Variants in FRYL observed in about 807,000 individuals in gnomAD.
The protein encoded by FRYL is FRY like transcription coactivator.
Under a neutral mutation model 351.2 loss-of-function variants are expected in FRYL, and 150 were observed. That is an observed-to-expected ratio of 0.43 (90% CI 0.37 to 0.49). The LOEUF is 0.49. Among genes scored for constraint, FRYL ranks in the 20% least tolerant of loss-of-function variants. FRYL has a pLI of 0.00. For missense variants in FRYL, 3,036 were observed against 3,619.3 expected, an observed-to-expected ratio of 0.84 and a Z score of 4.13; for synonymous variants, 1,153 against 1,257.1, an observed-to-expected ratio of 0.92 and a Z score of 1.75.
intron 55 of FRYL, among the ~76,000 whole-genome samples, chr4:48,520,203 T>A (rs1724603410): frequency 6.6e-6 from 1 of 152,194 alleles, no homozygotes; most frequent in South Asian, 2.1e-4. Flanking sequence ...ACCTTAGCCA[T>A]ATGAGTATGA....
Position 48,656,403 on chromosome 4 carries a change from AT to A in FRYL, c.-80-21914del, listed in dbSNP as rs1265368084. Among the ~76,000 whole-genome samples the A allele has an allele frequency of 3.9e-5, 5 of 129,032 alleles. No individual in the cohort carries two copies. The East Asian group carries it at 6.3e-4, about 16-fold the overall frequency. 84.7% of individuals were successfully genotyped at this position (129,032 alleles called of 152,430 possible). A position where few individuals can be genotyped will look rare whatever the true frequency, so the allele number is the denominator to read the frequency against. On this transcript the variant is annotated intron_variant, in intron 3 of 63. Coordinates refer to ENST00000358350, the MANE Select transcript of FRYL (RefSeq NM_015030.2). ...ATATATAATATATAATTAATATATA[AT>A]TATATATAATGTATATATAATGTAT...
In FRYL at chr4:48,535,608, CACACACAT is replaced by C. The variant is rs773197787; in HGVS notation, c.6564+41_6564+48del. 1.5e-4 allele frequency: 173 copies of C among 1,157,146 alleles called. 2 individuals carry two copies. In the East Asian group the frequency reaches 2.1e-3, roughly 14 times the overall value. 71.7% of individuals were successfully genotyped at this position (1,157,146 alleles called of 1,614,324 possible). On this transcript the variant is annotated intron_variant, in intron 48 of 63. Coordinates refer to ENST00000358350, the MANE Select transcript of FRYL (RefSeq NM_015030.2). The stretch of plus-strand genomic sequence containing the variant: ...ACATACACACACACACACACACACA[CACACACAT>C]ATATATATAGTAAATAAGAAAATAT...
At chr4:48,574,013 T>G (rs2149122582) in intron 25 of FRYL, among the ~76,000 whole-genome samples, 1 of 152,346 alleles carries the variant, frequency 6.6e-6, no homozygotes, top group South Asian at 2.1e-4. Flanking sequence ...ATTGCCTCTG[T>G]GAACAACTTT....
At chr4:48,557,406 C>T (rs1326206704) in intron 34 of FRYL, 47 bp downstream of exon 34, 2 of 1,602,218 alleles carry the variant, frequency 1.2e-6, no homozygotes, top group East Asian at 2.2e-5. Context: ...CACATCTACT[C>T]ACTCAATAAT....
intron 1 of FRYL, among the ~76,000 whole-genome samples, chr4:48,741,026 T>G (rs1044419979): frequency 1.3e-5 from 2 of 151,496 alleles, no homozygotes; most frequent in Non-Finnish European, 2.9e-5. Flanking sequence ...GGTGAATAGA[T>G]TTGATGAAAA....
At position 48,710,672 on chromosome 4, in the gene FRYL, G is replaced by A. The variant is rs1470651473; in HGVS notation, c.-357C>T. 2.5e-6 allele frequency: 1 copy of A among 398,356 alleles called. No individual in the cohort carries two copies. Among genetic ancestry groups the A allele is most frequent in the Non-Finnish European group, 4.4e-6 (1 of 225,938 alleles). 24.7% of individuals were successfully genotyped at this position (398,356 alleles called of 1,614,324 possible). ...AGCAGTAGTGAGTGAGTCACCGTGT[G>A]TGAAGCAGAATATGGAATGTTCTAG... On this transcript the variant is annotated 5_prime_UTR_variant, in exon 2 of 64. Coordinates refer to ENST00000358350, the MANE Select transcript of FRYL (RefSeq NM_015030.2).
intron 4 of FRYL, among the ~76,000 whole-genome samples, chr4:48,630,552 C>T (rs1409237942): frequency 2.0e-5 from 3 of 152,014 alleles, no homozygotes; most frequent in Non-Finnish European, 4.4e-5. Flanking sequence ...AGGTTATTAC[C>T]GAGGATTGAT....
At chr4:48,720,250 C>T (rs562074398) in intron 1 of FRYL, among the ~76,000 whole-genome samples, 1 of 151,980 alleles carries the variant, frequency 6.6e-6, no homozygotes, top group African/African-American at 2.4e-5. Flanking sequence ...GTAATCCCAG[C>T]ACTTTGCGAG....
At chr4:48,581,374 T>C (rs1162435700) in intron 21 of FRYL, 46 bp downstream of exon 21, 2 of 1,520,318 alleles carry the variant, frequency 1.3e-6, no homozygotes, top group Admixed American at 3.7e-5. Context: ...AGAGATGGTT[T>C]TTAAGTACTT....
At chr4:48,626,675 A>G (rs1751892043) in intron 4 of FRYL, among the ~76,000 whole-genome samples, 1 of 152,134 alleles carries the variant, frequency 6.6e-6, no homozygotes, top group South Asian at 2.1e-4. Context: ...AACTGTCTAT[A>G]TCATGTATTT....
intron 55 of FRYL, chr4:48,520,767 C>T (rs1007754378): frequency 1.5e-5 from 4 of 259,230 alleles, no homozygotes; most frequent in Non-Finnish European, 2.9e-5. Context: ...AGATGATGCT[C>T]GCCAACCCCA....
At chr4:48,682,824 T>A (rs549963851) in intron 3 of FRYL, among the ~76,000 whole-genome samples, 1 of 152,192 alleles carries the variant, frequency 6.6e-6, no homozygotes, top group East Asian at 1.9e-4. Context: ...TTCGTGGGAG[T>A]GTAAATTAGT....
At chr4:48,741,697 AAATAATAAT>A (rs527490966) in intron 1 of FRYL, among the ~76,000 whole-genome samples, 1 of 151,444 alleles carries the variant, frequency 6.6e-6, no homozygotes, top group South Asian at 2.1e-4. Flanking sequence ...CCCTCTCTCA[AAATAATAAT>A]AATAATAATA....
intron 2 of FRYL, among the ~76,000 whole-genome samples, chr4:48,695,850 T>A (rs1340504019): frequency 6.6e-6 from 1 of 151,948 alleles, no homozygotes; most frequent in African/African-American, 2.4e-5. Context: ...AACAACCCCA[T>A]CAAAAAGTGG....
rs1208005540 is a variant in FRYL, at chr4:48,582,669, A to G, written c.1814T>C (p.Leu605Pro). The change falls in exon 20 of 64, where the codon CTT (leucine) becomes CCT (proline). Residue 605 changes from leucine to proline, a missense_variant. Physicochemically the swap from Leu to Pro is moderately conservative, Grantham distance 98. This residue lies in a region of FRYL where 492 missense variants were observed against 551.5 expected (regional missense o/e 0.89). Coordinates refer to ENST00000358350, the MANE Select transcript of FRYL (RefSeq NM_015030.2). ...ATCCTCCCGCCAATCTGGAAAATCA[A>G]GCATTAGTGCCTGCAGAGTATTGAA... ...LAFNTLQALM[L>P]DFPDWREDVL... is the part of the protein sequence containing the mutation. The G allele has an allele frequency of 6.2e-7, 1 of 1,614,160 alleles. No individual in the cohort carries two copies. Among genetic ancestry groups the G allele is most frequent in the Admixed American group, 1.7e-5 (1 of 60,028 alleles).
Position 48,523,005 on chromosome 4 carries a change from T to C in FRYL, c.7417A>G (p.Ser2473Gly). 2 of 1,613,788 alleles carry C rather than the reference T, an allele frequency of 1.2e-6. No homozygotes were observed. Among genetic ancestry groups the C allele is most frequent in the East Asian group, 2.2e-5 (1 of 44,874 alleles). The change falls in exon 54 of 64, where the codon AGT becomes GGT. Residue 2473 changes from serine (S) to glycine (G), a missense_variant. Physicochemically the swap from Ser to Gly is moderately conservative, Grantham distance 56. This residue lies in a region of FRYL where 1,987 missense variants were observed against 2,311.7 expected (regional missense o/e 0.86). Coordinates refer to ENST00000358350, the MANE Select transcript of FRYL (RefSeq NM_015030.2). ...TPSLQEYQCS[S>G]STPSLNLTNQ... ...GTGAGGTTCAGGCTGGGGGTGCTACTAGAGCACTGGTACTCCTGGAGGGAT... is the reference window on the plus strand; with the variant it reads ...GTGAGGTTCAGGCTGGGGGTGCTACCAGAGCACTGGTACTCCTGGAGGGAT...
At chr4:48,731,678 T>C (rs1770742542) in intron 1 of FRYL, among the ~76,000 whole-genome samples, 1 of 152,106 alleles carries the variant, frequency 6.6e-6, no homozygotes, top group Non-Finnish European at 1.5e-5. Flanking sequence ...ACACAAGCAA[T>C]GGGGAAAAGA....
intron 50 of FRYL, among the ~76,000 whole-genome samples, chr4:48,530,161 T>C (rs184590182): frequency 1.3e-3 from 197 of 152,252 alleles, no homozygotes; most frequent in Non-Finnish European, 2.3e-3. Flanking sequence ...ACGGAACTCA[T>C]TGCCCCCTCT....
At chr4:48,609,621 A>C in intron 8 of FRYL, 123 bp downstream of exon 8, 1 of 345,980 alleles carries the variant, frequency 2.9e-6, no homozygotes, top group South Asian at 3.8e-5. Flanking sequence ...CCTTGCCTCA[A>C]GAAAAAAAAA....
Sources: allele counts gnomAD v4.1 joint callset (sites outside exome capture counted in the v4.1 genomes callset), GRCh38; gene constraint gnomAD v4.1.1; regional missense constraint gnomAD v4.1.1; transcripts MANE v1.5; gene names NCBI Gene and HGNC (gene_info 2026-07-23, HGNC 2026-07-21).